The following CNTN5 variants were observed in gnomAD, a reference collection of about 807,000 sequenced individuals.
CNTN5 encodes contactin-5.
CNTN5 carries 77 observed loss-of-function variants against 129.1 expected under a neutral mutation model. That is an observed-to-expected ratio of 0.60 (90% confidence interval 0.50 to 0.72). The LOEUF (loss-of-function observed/expected upper bound fraction) is 0.72, where lower values mean the gene tolerates loss of function less well. CNTN5 is among the 30% of genes least tolerant of loss of function. The pLI is 0.00. For missense variants in CNTN5, 1,478 were observed against 1,328.8 expected (o/e 1.11, Z -1.75); for synonymous variants, 509 against 465.6 (o/e 1.09, Z -1.20).
intron 8 of CNTN5, among the ~76,000 whole-genome samples, chr11:99,973,128 T>A (rs1937690409): frequency 2.0e-5 from 3 of 152,162 alleles, no homozygotes; most frequent in Admixed American, 6.5e-5. Context: ...TGGTTCTCCC[T>A]TAGATATTCT....
At chr11:99,409,882 A>C (rs1942311474) in intron 2 of CNTN5, among the ~76,000 whole-genome samples, 1 of 152,236 alleles carries the variant, frequency 6.6e-6, no homozygotes, top group African/African-American at 2.4e-5. Context: ...GGAAAGCTTA[A>C]TAATAAATTG....
chr11:99,742,498 C>A (rs776894393), intron 3 of CNTN5, among the ~76,000 whole-genome samples: 22 of 152,112 alleles, frequency 1.4e-4, no homozygotes, highest in Non-Finnish European at 2.6e-4. Flanking sequence ...ATTGTGTGAG[C>A]TTTAAATAGA....
chr11:100,147,916 A>ATTGT (rs1441103060), intron 13 of CNTN5, among the ~76,000 whole-genome samples: 2 of 152,086 alleles, frequency 1.3e-5, no homozygotes, highest in African/African-American at 4.8e-5. Context: ...GTGTTTCTAA[A>ATTGT]TTGTTTAATT....
At chr11:99,469,363 T>C (rs1261281637) in intron 2 of CNTN5, among the ~76,000 whole-genome samples, 1 of 152,152 alleles carries the variant, frequency 6.6e-6, no homozygotes, top group Non-Finnish European at 1.5e-5. Flanking sequence ...GTTTCAAAAT[T>C]ATCTATTTCT....
intron 8 of CNTN5, among the ~76,000 whole-genome samples, chr11:99,975,902 TC>T (rs1390249353): frequency 6.6e-6 from 1 of 152,142 alleles, no homozygotes; most frequent in Non-Finnish European, 1.5e-5. Context: ...CTTAACTTAT[TC>T]CAGCATTACT....
intron 1 of CNTN5, among the ~76,000 whole-genome samples, chr11:99,085,179 G>A (rs1865955397): frequency 1.3e-5 from 2 of 151,876 alleles, no homozygotes; most frequent in South Asian, 4.2e-4. Flanking sequence ...CCAGTAGCTG[G>A]GAGTACAGGC....
At chr11:100,147,199 C>T (rs1946878632) in intron 13 of CNTN5, among the ~76,000 whole-genome samples, 1 of 152,146 alleles carries the variant, frequency 6.6e-6, no homozygotes. Flanking sequence ...CTGAAGTCCC[C>T]TGAGACTCCA....
intron 2 of CNTN5, among the ~76,000 whole-genome samples, chr11:99,354,897 C>T (rs1309079611): frequency 6.6e-6 from 1 of 152,184 alleles, no homozygotes; most frequent in Non-Finnish European, 1.5e-5. Flanking sequence ...TCACAATCTA[C>T]AGTTTCTGGC....
intron 1 of CNTN5, among the ~76,000 whole-genome samples, chr11:99,089,609 C>T (rs1160247951): frequency 1.1e-4 from 16 of 152,094 alleles, no homozygotes; most frequent in Non-Finnish European, 2.2e-4. Flanking sequence ...AAAGTCATTT[C>T]GCATTAAACA....
chr11:99,760,039 C>G (rs1944528171), intron 3 of CNTN5, among the ~76,000 whole-genome samples: 1 of 151,994 alleles, frequency 6.6e-6, no homozygotes, highest in Admixed American at 6.6e-5. Context: ...CCATTAATCT[C>G]TAGATATTGC....
chr11:99,098,384 G>A (rs1295009073), intron 1 of CNTN5, among the ~76,000 whole-genome samples: 3 of 152,056 alleles, frequency 2.0e-5, no homozygotes, highest in African/African-American at 7.2e-5. Flanking sequence ...GTACAGGTTG[G>A]AAGTCTGCTT....
At chr11:99,901,869 T>C (rs1565656973) in intron 6 of CNTN5, among the ~76,000 whole-genome samples, 1 of 152,210 alleles carries the variant, frequency 6.6e-6, no homozygotes, top group Non-Finnish European at 1.5e-5. Context: ...TGTCATTTAT[T>C]AAGGGTTCAG....
intron 2 of CNTN5, among the ~76,000 whole-genome samples, chr11:99,474,803 A>G (rs1945307452): frequency 1.3e-5 from 2 of 152,024 alleles, no homozygotes; most frequent in South Asian, 4.1e-4. Context: ...CCATTAATAC[A>G]CTCTTTCTAG....
At chr11:99,402,385 T>C (rs1941859680) in intron 2 of CNTN5, among the ~76,000 whole-genome samples, 1 of 152,176 alleles carries the variant, frequency 6.6e-6, no homozygotes, top group African/African-American at 2.4e-5. Context: ...TTAATTTGCA[T>C]ATGTTGAACT....
intron 1 of CNTN5, among the ~76,000 whole-genome samples, chr11:99,110,782 A>T (rs2135381232): frequency 6.6e-6 from 1 of 152,298 alleles, no homozygotes; most frequent in African/African-American, 2.4e-5. Flanking sequence ...ATCTTATTTT[A>T]AAAATGTTTA....
At chr11:99,280,213 T>A (rs1487436364) in intron 1 of CNTN5, among the ~76,000 whole-genome samples, 3 of 151,608 alleles carry the variant, frequency 2.0e-5, no homozygotes, top group Non-Finnish European at 4.4e-5. Context: ...TCATGGGGCT[T>A]AAATTGGGAT....
intron 7 of CNTN5, among the ~76,000 whole-genome samples, chr11:99,934,429 T>C (rs1314268868): frequency 6.6e-6 from 1 of 152,204 alleles, no homozygotes; most frequent in East Asian, 1.9e-4. Context: ...TCAATTTATA[T>C]TGGAGGTCCA....
At chr11:99,139,470 TGAA>T (rs1859407554) in intron 1 of CNTN5, among the ~76,000 whole-genome samples, 1 of 152,074 alleles carries the variant, frequency 6.6e-6, no homozygotes, top group Non-Finnish European at 1.5e-5. Context: ...AAATGCTAAT[TGAA>T]GAGAAAATAA....
intron 13 of CNTN5, among the ~76,000 whole-genome samples, chr11:100,170,853 A>AAGAT (rs955623854): frequency 1.9e-4 from 29 of 151,642 alleles, no homozygotes; most frequent in African/African-American, 6.5e-4. Flanking sequence ...TGTTAACTTT[A>AAGAT]AGATAGAAAA....
Sources: allele counts gnomAD v4.1 joint callset (sites outside exome capture counted in the v4.1 genomes callset), GRCh38; gene constraint gnomAD v4.1.1; transcripts MANE v1.5; gene names NCBI Gene and HGNC (gene_info 2026-07-23, HGNC 2026-07-21).